The following CDH9 variants were observed in gnomAD, a reference collection of about 807,000 sequenced individuals.
CDH9 encodes the protein cadherin-9.
A neutral mutation model predicts 70.9 loss-of-function variants in CDH9; 28 were observed. The observed-to-expected ratio is 0.40, with a 90% CI of 0.29 to 0.54. CDH9 has a LOEUF of 0.54. Among genes scored for constraint, CDH9 ranks in the 20% least tolerant of loss-of-function variants. The probability of loss-of-function intolerance (pLI) is 0.59; values close to 1 mark genes in which losing one functional copy is unlikely to be tolerated. For synonymous variants in CDH9, 409 were observed against 343.1 expected (o/e 1.19, Z -2.12); for missense variants, 874 against 984.4 (o/e 0.89, Z 1.50).
intron 5 of CDH9, among the ~76,000 whole-genome samples, chr5:26,904,934 C>T (rs1186922989): frequency 2.0e-5 from 3 of 151,976 alleles, no homozygotes; most frequent in African/African-American, 7.2e-5. Flanking sequence ...AATGTCAAGG[C>T]ATTAAAAATG....
chr5:26,893,878 ATT>A, intron 7 of CDH9, among the ~76,000 whole-genome samples: 1 of 152,246 alleles, frequency 6.6e-6, no homozygotes, highest in African/African-American at 2.4e-5. Context: ...GAAACAAAAT[ATT>A]ATGTTTCCTA....
chr5:26,984,108 A>T (rs2112087411), intron 2 of CDH9, among the ~76,000 whole-genome samples: 1 of 152,234 alleles, frequency 6.6e-6, no homozygotes, highest in African/African-American at 2.4e-5. Context: ...TCAATGTTAA[A>T]ATCCCTTTCC....
At chr5:27,008,216 C>T (rs1742899615) in intron 1 of CDH9, among the ~76,000 whole-genome samples, 1 of 152,038 alleles carries the variant, frequency 6.6e-6, no homozygotes, top group South Asian at 2.1e-4. Context: ...TGTGTATAAA[C>T]CGGGCGGGGT....
At chr5:26,952,613 C>A (rs1579472817) in intron 2 of CDH9, among the ~76,000 whole-genome samples, 1 of 106,646 alleles carries the variant, frequency 9.4e-6, no homozygotes, top group Admixed American at 1.5e-4. Flanking sequence ...CCAGCCTGGG[C>A]GACAGAGAAA....
intron 1 of CDH9, among the ~76,000 whole-genome samples, chr5:27,004,868 T>C (rs888849398): frequency 1.3e-5 from 2 of 152,202 alleles, no homozygotes; most frequent in East Asian, 3.8e-4. Context: ...AGATTTTTAA[T>C]ACTGAGATTT....
At chr5:26,917,742 C>G (rs572066150) in intron 2 of CDH9, among the ~76,000 whole-genome samples, 1 of 152,116 alleles carries the variant, frequency 6.6e-6, no homozygotes, top group African/African-American at 2.4e-5. Flanking sequence ...CTCTGGACCA[C>G]CAGAGCAATC....
chr5:26,891,062 T>C (rs1232621379), intron 7 of CDH9, among the ~76,000 whole-genome samples: 2 of 152,176 alleles, frequency 1.3e-5, no homozygotes, highest in Non-Finnish European at 2.9e-5. Context: ...TGAATCAAGG[T>C]CTTTCTCTAC....
intron 2 of CDH9, among the ~76,000 whole-genome samples, chr5:26,934,037 A>T (rs763111243): frequency 5.9e-5 from 9 of 152,204 alleles, no homozygotes; most frequent in Admixed American, 1.3e-4. Context: ...TCTGCATCTG[A>T]TGAGAGCCTC....
intron 1 of CDH9, among the ~76,000 whole-genome samples, chr5:26,993,818 T>C (rs532686611): frequency 6.6e-6 from 1 of 151,450 alleles, no homozygotes; most frequent in African/African-American, 2.4e-5. Context: ...ACTTTCAACA[T>C]GCCAGATAGT....
intron 2 of CDH9, among the ~76,000 whole-genome samples, chr5:26,924,697 A>G (rs990350438): frequency 4.6e-5 from 7 of 151,590 alleles, no homozygotes; most frequent in African/African-American, 1.7e-4. Context: ...ATCTATTCCT[A>G]CCCCAGCCGC....
At chr5:26,962,453 T>G (rs545278524) in intron 2 of CDH9, among the ~76,000 whole-genome samples, 1 of 152,274 alleles carries the variant, frequency 6.6e-6, no homozygotes, top group South Asian at 2.1e-4. Context: ...GTAAAAGCAT[T>G]CCTATTTCTC....
At chr5:26,966,806 G>A (rs537564988) in intron 2 of CDH9, among the ~76,000 whole-genome samples, 7 of 152,218 alleles carry the variant, frequency 4.6e-5, no homozygotes, top group Admixed American at 4.6e-4. Context: ...GGAATTACTA[G>A]TTCTTTTTCT....
At chr5:27,000,655 C>T (rs887177710) in intron 1 of CDH9, among the ~76,000 whole-genome samples, 20 of 151,998 alleles carry the variant, frequency 1.3e-4, no homozygotes, top group Non-Finnish European at 2.4e-4. Context: ...GGAAAACTTA[C>T]GTATTAATGT....
chr5:26,974,273 A>G (rs1340669933), intron 2 of CDH9, among the ~76,000 whole-genome samples: 1 of 152,138 alleles, frequency 6.6e-6, no homozygotes, highest in Non-Finnish European at 1.5e-5. Flanking sequence ...AAGTTAAAAA[A>G]GGCCATCTAT....
intron 2 of CDH9, among the ~76,000 whole-genome samples, chr5:26,985,072 G>T (rs925608501): frequency 6.6e-6 from 1 of 151,986 alleles, no homozygotes; most frequent in Non-Finnish European, 1.5e-5. Flanking sequence ...TTGTACAAAG[G>T]CTTTTAACAG....
intron 2 of CDH9, among the ~76,000 whole-genome samples, chr5:26,951,291 CAAAAAAAAAAAAAAAA>C (rs796799417): frequency 2.3e-5 from 2 of 86,200 alleles, no homozygotes; most frequent in African/African-American, 1.1e-4. Context: ...GACTCTGTCT[CAAAAAAAAAAAAAAAA>C]AAAAAAAAAA....
At chr5:26,889,687 A>G in intron 9 of CDH9, 149 bp downstream of exon 9, 1 of 519,902 alleles carries the variant, frequency 1.9e-6, no homozygotes, top group Non-Finnish European at 3.4e-6. Context: ...TTAAAAAATC[A>G]CTGTGAGTTC....
intron 2 of CDH9, among the ~76,000 whole-genome samples, chr5:26,983,616 A>C (rs1313169959): frequency 6.6e-6 from 1 of 152,152 alleles, no homozygotes; most frequent in Non-Finnish European, 1.5e-5. Flanking sequence ...CTGAGTTATA[A>C]ACAACTAATT....
chr5:26,922,673 T>A (rs1741265351), intron 2 of CDH9, among the ~76,000 whole-genome samples: 1 of 152,064 alleles, frequency 6.6e-6, no homozygotes, highest in African/African-American at 2.4e-5. Context: ...CTAGCAATAG[T>A]AAGTACCCAG....
Sources: allele counts gnomAD v4.1 joint callset (sites outside exome capture counted in the v4.1 genomes callset), GRCh38; gene constraint gnomAD v4.1.1; transcripts MANE v1.5; gene names NCBI Gene and HGNC (gene_info 2026-07-23, HGNC 2026-07-21).